GIPC2: variants seen among roughly 807,000 people sequenced by gnomAD.
GIPC2 encodes the protein PDZ domain-containing protein GIPC2.
Under a neutral mutation model 30.6 loss-of-function variants are expected in GIPC2, and 30 were observed. That is an observed-to-expected ratio of 0.98 (90% CI 0.73 to 1.33). The LOEUF (loss-of-function observed/expected upper bound fraction) is 1.33, where lower values mean the gene tolerates loss of function less well. Ranked by LOEUF, GIPC2 falls within the 40% of genes most tolerant of loss-of-function variation. GIPC2 has a pLI of 0.00. For missense variants in GIPC2, 414 were observed against 390.3 expected (o/e 1.06, Z -0.51); for synonymous variants, 167 against 150.0 (o/e 1.11, Z -0.83).
intron 1 of GIPC2, among the ~76,000 whole-genome samples, chr1:78,047,882 A>C (rs1253783283): frequency 6.6e-6 from 1 of 152,260 alleles, no homozygotes; most frequent in Non-Finnish European, 1.5e-5. Flanking sequence ...AGCAAAAAAA[A>C]ACTTGACTGT....
upstream of GIPC2, chr1:78,045,917 G>A (rs1661057520): frequency 1.4e-5 from 19 of 1,338,616 alleles, no homozygotes; most frequent in East Asian, 3.1e-5. Context: ...GCGGGCGGGC[G>A]GCTGCTCCGG....
rs185658750 is a variant in GIPC2, at chr1:78,057,970, G to T, written c.240+11636G>T. Among the ~76,000 whole-genome samples, 142 of 152,166 alleles carry T rather than the reference G, an allele frequency of 9.3e-4. 3 individuals are homozygous for T. The highest frequency in any genetic ancestry group is 1.3e-4 in the Non-Finnish European group (9 of 68,004). On this transcript the variant is annotated intron_variant, in intron 1 of 5. Coordinates refer to ENST00000370759, the MANE Select transcript of GIPC2 (RefSeq NM_017655.6). ...TTATACCCACATTTCTTGCCTTAAG[G>T]ACCTAGAAAAAAGGACCTAGAAGCT...
At chr1:78,123,853 GC>G (rs1381014822) in intron 4 of GIPC2, among the ~76,000 whole-genome samples, 2 of 152,170 alleles carry the variant, frequency 1.3e-5, no homozygotes, top group Admixed American at 1.3e-4. Context: ...ATAGCCTGTT[GC>G]TTTATACAGA....
intron 1 of GIPC2, among the ~76,000 whole-genome samples, chr1:78,061,513 G>GT (rs1461927884): frequency 6.7e-6 from 1 of 149,030 alleles, no homozygotes; most frequent in Non-Finnish European, 1.5e-5. Flanking sequence ...TTTTTGTTTT[G>GT]TTTTTGCGAT....
intron 1 of GIPC2, among the ~76,000 whole-genome samples, chr1:78,080,005 C>G (rs1460687072): frequency 6.6e-6 from 1 of 152,044 alleles, no homozygotes; most frequent in Non-Finnish European, 1.5e-5. Context: ...CCCCCTCCCC[C>G]CTTTTTAAAT....
chr1:78,092,148 G>C (rs937625324), intron 2 of GIPC2: 2 of 794,782 alleles, frequency 2.5e-6, no homozygotes, highest in Non-Finnish European at 4.2e-6. Context: ...AGACACACAA[G>C]ATGTTTTTAT....
At chr1:78,068,101 T>G (rs1380351224) in intron 1 of GIPC2, among the ~76,000 whole-genome samples, 1 of 152,234 alleles carries the variant, frequency 6.6e-6, no homozygotes, top group Non-Finnish European at 1.5e-5. Context: ...TGTTTTGTAT[T>G]GCATTTGTCA....
intron 2 of GIPC2, among the ~76,000 whole-genome samples, chr1:78,084,575 G>T (rs1038890016): frequency 6.6e-6 from 1 of 151,788 alleles, no homozygotes; most frequent in Admixed American, 6.6e-5. Context: ...GCCCCACAGG[G>T]TTATTTCTTG....
chr1:78,106,552 T>C (rs950052896), intron 3 of GIPC2, among the ~76,000 whole-genome samples: 2 of 151,978 alleles, frequency 1.3e-5, no homozygotes. Flanking sequence ...AGAGCAAGAC[T>C]CCATCTCAAA....
intron 2 of GIPC2, among the ~76,000 whole-genome samples, chr1:78,090,336 A>C (rs1184252409): frequency 6.6e-6 from 1 of 152,096 alleles, no homozygotes; most frequent in East Asian, 1.9e-4. Context: ...CTGGGGTTAT[A>C]GGAATGTGCC....
chr1:78,089,515 GT>G (rs911042868), intron 2 of GIPC2, among the ~76,000 whole-genome samples: 3 of 152,012 alleles, frequency 2.0e-5, no homozygotes, highest in East Asian at 3.9e-4. Context: ...GATGAAACTG[GT>G]TTTTTTGTTT....
chr1:78,053,278 A>C (rs1453104396), intron 1 of GIPC2, among the ~76,000 whole-genome samples: 1 of 152,126 alleles, frequency 6.6e-6, no homozygotes, highest in Non-Finnish European at 1.5e-5. Flanking sequence ...GACTGTGGTA[A>C]TTTCTCCTAC....
At chr1:78,112,979 T>C (rs1164196955) in intron 3 of GIPC2, among the ~76,000 whole-genome samples, 2 of 152,156 alleles carry the variant, frequency 1.3e-5, no homozygotes, top group African/African-American at 4.8e-5. Flanking sequence ...AGCATATGCA[T>C]GTAAGAAACC....
At chr1:78,095,598 A>G (rs747516525) in intron 3 of GIPC2, among the ~76,000 whole-genome samples, 4 of 152,124 alleles carry the variant, frequency 2.6e-5, no homozygotes, top group Non-Finnish European at 2.9e-5. Context: ...CCTTTCCTCC[A>G]TTGGCATTTT....
chr1:78,105,443 C>T (rs1009931397), intron 3 of GIPC2, among the ~76,000 whole-genome samples: 1 of 151,938 alleles, frequency 6.6e-6, no homozygotes, highest in Admixed American at 6.6e-5. Context: ...CGCACCACCA[C>T]GTCCAGCTAA....
chr1:78,113,226 AAC>A (rs1491471603), intron 3 of GIPC2, among the ~76,000 whole-genome samples: 3 of 151,994 alleles, frequency 2.0e-5, no homozygotes, highest in Non-Finnish European at 4.4e-5. Flanking sequence ...ATTAAAAAAA[AAC>A]AGATATGTGA....
At chr1:78,055,945 A>C (rs1158656074) in intron 1 of GIPC2, among the ~76,000 whole-genome samples, 1 of 152,140 alleles carries the variant, frequency 6.6e-6, no homozygotes, top group Non-Finnish European at 1.5e-5. Context: ...TATGACCTTT[A>C]TGCATTGTTC....
chr1:78,045,337 T>C (rs1002420026), upstream of GIPC2, among the ~76,000 whole-genome samples: 15 of 152,004 alleles, frequency 9.9e-5, no homozygotes, highest in African/African-American at 3.6e-4. Flanking sequence ...AAACGCGAGG[T>C]AGGGAATTGA....
At chr1:78,112,866 A>G (rs1848837) in intron 3 of GIPC2, among the ~76,000 whole-genome samples, 65,811 of 152,030 alleles carry the variant, frequency 0.43, 17,328 homozygotes, top group African/African-American at 0.73. Flanking sequence ...TGATATATGT[A>G]TATATAAACA....
Sources: allele counts gnomAD v4.1 joint callset (sites outside exome capture counted in the v4.1 genomes callset), GRCh38; gene constraint gnomAD v4.1.1; transcripts MANE v1.5; gene names NCBI Gene and HGNC (gene_info 2026-07-23, HGNC 2026-07-21).